PTPN13: variants seen among roughly 807,000 people sequenced by gnomAD.
PTPN13 encodes tyrosine-protein phosphatase non-receptor type 13.
In PTPN13, 191 loss-of-function variants were observed where a neutral mutation model predicts 284.0. That is an observed-to-expected ratio of 0.67 (90% confidence interval 0.60 to 0.76). The LOEUF is 0.76. PTPN13 is among the 30% of genes least tolerant of loss of function. The pLI is 0.00. For synonymous variants in PTPN13, 986 were observed against 1,022.3 expected, an observed-to-expected ratio of 0.96 and a Z score of 0.68; for missense variants, 2,797 against 2,939.9, an observed-to-expected ratio of 0.95 and a Z score of 1.12.
chr4:86,618,272 T>A (rs1279012168), intron 1 of PTPN13, among the ~76,000 whole-genome samples: 1 of 152,218 alleles, frequency 6.6e-6, no homozygotes, highest in African/African-American at 2.4e-5. Flanking sequence ...CTCTGTTCTG[T>A]TCCATTGTTC....
chr4:86,670,106 G>A (rs377066790), intron 2 of PTPN13, among the ~76,000 whole-genome samples: 15 of 150,132 alleles, frequency 1.0e-4, no homozygotes, highest in East Asian at 9.8e-4. Flanking sequence ...CCGAGAAGGC[G>A]CAGTCTTTGT....
chr4:86,659,326 A>G (rs868489895), intron 2 of PTPN13, among the ~76,000 whole-genome samples: 3 of 152,270 alleles, frequency 2.0e-5, no homozygotes, highest in African/African-American at 7.2e-5. Flanking sequence ...CACTCATAAC[A>G]TATGCCAATT....
At chr4:86,799,032 C>A in intron 41 of PTPN13, 69 bp from the exon 42 acceptor site, 2 of 895,862 alleles carry the variant, frequency 2.2e-6, no homozygotes, top group East Asian at 2.8e-5. Context: ...TAGAGAAAAT[C>A]ATTCAGGGCC....
At chr4:86,673,593 A>G (rs1222003720) in intron 3 of PTPN13, among the ~76,000 whole-genome samples, 4 of 152,220 alleles carry the variant, frequency 2.6e-5, no homozygotes, top group Admixed American at 1.3e-4. Flanking sequence ...GTGGGGATCT[A>G]TCATATTTTT....
chr4:86,656,137 A>G (rs1725775461), intron 2 of PTPN13, among the ~76,000 whole-genome samples: 1 of 152,112 alleles, frequency 6.6e-6, no homozygotes, highest in Non-Finnish European at 1.5e-5. Flanking sequence ...CTAGTTAGCC[A>G]TTTGTCTAAT....
chr4:86,810,443 TTACTC>T (rs1358056678), intron 46 of PTPN13, among the ~76,000 whole-genome samples: 6 of 144,308 alleles, frequency 4.2e-5, no homozygotes, highest in South Asian at 2.1e-4. Flanking sequence ...TTCTAAACAA[TTACTC>T]TACATAAAAA....
intron 36 of PTPN13, among the ~76,000 whole-genome samples, chr4:86,781,739 CA>C (rs1330964315): frequency 6.6e-6 from 1 of 151,858 alleles, no homozygotes; most frequent in East Asian, 1.9e-4. Flanking sequence ...CCGAGGCGGG[CA>C]GATCACGAGG....
intron 5 of PTPN13, 33 bp from the exon 6 acceptor site, chr4:86,693,554 T>C: frequency 7.1e-7 from 1 of 1,398,622 alleles, no homozygotes; most frequent in Non-Finnish European, 9.6e-7. Flanking sequence ...GAGATCCTTT[T>C]GTCAAACTTG....
chr4:86,800,618 C>G (rs1743909120), intron 42 of PTPN13, among the ~76,000 whole-genome samples: 1 of 150,432 alleles, frequency 6.6e-6, no homozygotes, highest in Admixed American at 6.6e-5. Context: ...CGTCACTGCA[C>G]TCCAGCCTGG....
chr4:86,762,929 G>A lies in PTPN13; in HGVS notation c.3756G>A (p.Glu1252=). ...GSLSSQDSRT[E]SASLSQSQVN... The stretch of plus-strand genomic sequence containing the variant: ...TGAGTTCTCAAGATTCCAGGACTGA[G>A]AGTGCCAGCTTGTCTCAAAGCCAGG... Residue 1252 remains glutamate, a synonymous_variant, in exon 24 of 48, where the codon GAG becomes GAA. Coordinates refer to ENST00000411767, the MANE Select transcript of PTPN13 (RefSeq NM_080683.3). 6.2e-7 allele frequency: 1 copy of A among 1,613,866 alleles called. No individual in the cohort carries two copies. Among genetic ancestry groups the A allele is most frequent in the Non-Finnish European group, 8.5e-7 (1 of 1,179,848 alleles).
At chr4:86,764,178 TAAAAC>T (rs1739022564) in intron 24 of PTPN13, among the ~76,000 whole-genome samples, 1 of 152,140 alleles carries the variant, frequency 6.6e-6, no homozygotes, top group African/African-American at 2.4e-5. Context: ...TTAAAGGAAA[TAAAAC>T]TAATTTGTAA....
chr4:86,679,318 T>C (rs1323272556), intron 3 of PTPN13, among the ~76,000 whole-genome samples: 3 of 152,208 alleles, frequency 2.0e-5, no homozygotes, highest in Non-Finnish European at 1.5e-5. Flanking sequence ...TGTCACATTA[T>C]CTTATCTTGT....
intron 37 of PTPN13, 43 bp from the exon 38 acceptor site, chr4:86,784,422 A>C (rs1232826248): frequency 7.3e-7 from 1 of 1,371,814 alleles, no homozygotes; most frequent in Non-Finnish European, 1.0e-6. Flanking sequence ...CCTGGAAGTT[A>C]GTAAAATACT....
At chr4:86,700,048 A>G (rs1730986193) in intron 6 of PTPN13, among the ~76,000 whole-genome samples, 1 of 152,180 alleles carries the variant, frequency 6.6e-6, no homozygotes, top group Admixed American at 6.5e-5. Context: ...TGGGAAGATG[A>G]GGCACAATAA....
At position 86,784,531 on chromosome 4, in the gene PTPN13, G is replaced by A; in HGVS notation, c.6091G>A (p.Gly2031Arg). The A allele has an allele frequency of 6.2e-7, 1 of 1,606,716 alleles. No homozygotes were observed. Among genetic ancestry groups the A allele is most frequent in the South Asian group, 1.1e-5 (1 of 89,724 alleles). The part of the protein sequence containing the change: ...KGKCSTYQIK[G>R]SPNLTLPKES... ...AAAATGTTCTACTTATCAGATAAAG[G>A]GATCACCAAACTTGACTCTGCCCAA... The change falls in exon 38 of 48, where the codon GGA becomes AGA. Residue 2031 changes from glycine (G) to arginine (R), a missense_variant. Physicochemically the swap from Gly to Arg is moderately radical, Grantham distance 125. Coordinates refer to ENST00000411767, the MANE Select transcript of PTPN13 (RefSeq NM_080683.3).
At chr4:86,763,836 A>G (rs1738979194) in intron 24 of PTPN13, among the ~76,000 whole-genome samples, 1 of 152,112 alleles carries the variant, frequency 6.6e-6, no homozygotes, top group African/African-American at 2.4e-5. Flanking sequence ...GCTTAAGCCC[A>G]GAAGCCCAGG....
chr4:86,738,783 T>C (rs536015674), intron 15 of PTPN13, among the ~76,000 whole-genome samples: 1 of 152,204 alleles, frequency 6.6e-6, no homozygotes, highest in East Asian at 1.9e-4. Flanking sequence ...CAGGCTCAAG[T>C]GATGCTTCTT....
At chr4:86,808,927 T>C (rs1212161503) in intron 45 of PTPN13, among the ~76,000 whole-genome samples, 1 of 152,024 alleles carries the variant, frequency 6.6e-6, no homozygotes, top group Non-Finnish European at 1.5e-5. Context: ...AGGGAAGGTA[T>C]GAGAAAATGG....
chr4:86,697,621 T>C (rs943576594), intron 6 of PTPN13, among the ~76,000 whole-genome samples: 1 of 152,150 alleles, frequency 6.6e-6, no homozygotes, highest in South Asian at 2.1e-4. Context: ...AAACTTACAC[T>C]ATTATTCAGA....
Sources: allele counts gnomAD v4.1 joint callset (sites outside exome capture counted in the v4.1 genomes callset), GRCh38; gene constraint gnomAD v4.1.1; transcripts MANE v1.5; gene names NCBI Gene and HGNC (gene_info 2026-07-23, HGNC 2026-07-21).